Variants in ENTREP2 observed in about 807,000 individuals in gnomAD.
The protein encoded by ENTREP2 is endosomal transmembrane epsin interactor 2, also known as protein ENTREP2.
At chr15:29,356,144 A>T in the ENTREP2 span, among the ~76,000 whole-genome samples, 1 of 148,878 alleles carries the variant, frequency 6.7e-6, no homozygotes, top group Non-Finnish European at 1.5e-5. Context: ...GGATGTGAGG[A>T]TGAGAAGATT....
the ENTREP2 span, among the ~76,000 whole-genome samples, chr15:29,286,343 T>G: frequency 6.6e-6 from 1 of 152,210 alleles, no homozygotes; most frequent in African/African-American, 2.4e-5. Context: ...ATAAGGTTAA[T>G]AGACATACAT....
At chr15:29,619,156 G>C in the ENTREP2 span, among the ~76,000 whole-genome samples, 1 of 152,218 alleles carries the variant, frequency 6.6e-6, no homozygotes, top group Non-Finnish European at 1.5e-5. Context: ...ACTTTGGAAG[G>C]CCAAGACAGG....
At chr15:29,503,933 T>C in the ENTREP2 span, among the ~76,000 whole-genome samples, 1 of 152,192 alleles carries the variant, frequency 6.6e-6, no homozygotes, top group African/African-American at 2.4e-5. Flanking sequence ...GTATTCTTTC[T>C]GTTAAAAGAA....
chr15:29,324,168 A>C, the ENTREP2 span, among the ~76,000 whole-genome samples: 1 of 152,078 alleles, frequency 6.6e-6, no homozygotes, highest in African/African-American at 2.4e-5. Context: ...TGGCACGATC[A>C]TTGTTCACTG....
chr15:29,649,001 T>C, the ENTREP2 span, among the ~76,000 whole-genome samples: 3 of 149,874 alleles, frequency 2.0e-5, no homozygotes, highest in Non-Finnish European at 3.0e-5. Flanking sequence ...AGTTGAGCCA[T>C]CTCAAATAGT....
the ENTREP2 span, among the ~76,000 whole-genome samples, chr15:29,557,370 G>A: frequency 6.6e-6 from 1 of 152,208 alleles, no homozygotes; most frequent in Non-Finnish European, 1.5e-5. Context: ...GCAGATGCCA[G>A]CTGCTCCACC....
the ENTREP2 span, among the ~76,000 whole-genome samples, chr15:29,253,853 G>A: frequency 6.6e-6 from 1 of 151,874 alleles, no homozygotes. Flanking sequence ...TTTTCTTTAT[G>A]AATAAGAATA....
the ENTREP2 span, among the ~76,000 whole-genome samples, chr15:29,253,704 G>A: frequency 4.7e-3 from 710 of 152,134 alleles, 3 homozygotes; most frequent in African/African-American, 0.016. Context: ...GCCTCCCAAA[G>A]TGCTGGGATT....
At chr15:29,317,485 T>C in the ENTREP2 span, among the ~76,000 whole-genome samples, 1 of 152,182 alleles carries the variant, frequency 6.6e-6, no homozygotes, top group Non-Finnish European at 1.5e-5. Context: ...ATTAAAGAAC[T>C]AGATCTTTAT....
chr15:29,560,889 A>G, the ENTREP2 span, among the ~76,000 whole-genome samples: 3 of 150,716 alleles, frequency 2.0e-5, no homozygotes, highest in Non-Finnish European at 4.4e-5. Flanking sequence ...TCCCTAGGCC[A>G]AATCTGGCCT....
the ENTREP2 span, chr15:29,267,765 G>A: frequency 2.6e-5 from 4 of 152,076 alleles, no homozygotes; most frequent in African/African-American, 9.7e-5. Context: ...AGACCAAGGA[G>A]AATAAAAAAT....
the ENTREP2 span, among the ~76,000 whole-genome samples, chr15:29,225,967 T>A: frequency 2.0e-5 from 3 of 152,066 alleles, no homozygotes; most frequent in Non-Finnish European, 4.4e-5. Context: ...CCCGTGTCTT[T>A]CCTTGGAGCA....
At chr15:29,432,183 A>C in the ENTREP2 span, among the ~76,000 whole-genome samples, 1 of 152,202 alleles carries the variant, frequency 6.6e-6, no homozygotes, top group Admixed American at 6.5e-5. Context: ...TGCTCACTTC[A>C]GACAATGCCT....
chr15:29,238,910 A>C, the ENTREP2 span, among the ~76,000 whole-genome samples: 6 of 151,958 alleles, frequency 3.9e-5, no homozygotes, highest in Non-Finnish European at 8.8e-5. Flanking sequence ...TGATCCAATC[A>C]CCTCCCACCA....
At chr15:29,561,556 C>T in the ENTREP2 span, among the ~76,000 whole-genome samples, 2 of 152,080 alleles carry the variant, frequency 1.3e-5, no homozygotes, top group East Asian at 3.9e-4. Context: ...GGCATGGTGG[C>T]GGGTGCCTAT....
chr15:29,163,163 G>C, the ENTREP2 span, among the ~76,000 whole-genome samples: 5 of 152,190 alleles, frequency 3.3e-5, no homozygotes, highest in African/African-American at 1.2e-4. Context: ...CTGAACAACA[G>C]CCTTCAGCCC....
chr15:29,497,055 T>C, the ENTREP2 span, among the ~76,000 whole-genome samples: 2 of 152,208 alleles, frequency 1.3e-5, no homozygotes, highest in Admixed American at 1.3e-4. Flanking sequence ...GGTTCCATCC[T>C]TATCAATGCA....
the ENTREP2 span, among the ~76,000 whole-genome samples, chr15:29,150,895 G>A: frequency 2.0e-5 from 3 of 152,092 alleles, no homozygotes; most frequent in African/African-American, 7.2e-5. Context: ...GGCAAATTGA[G>A]AGACAGAGAG....
chr15:29,326,352 A>G, the ENTREP2 span, among the ~76,000 whole-genome samples: 1 of 152,198 alleles, frequency 6.6e-6, no homozygotes, highest in East Asian at 1.9e-4. Context: ...AGAAACTCTC[A>G]AACTAATAAG....
Sources: gnomAD v4.1 joint callset for allele counts (sites outside exome capture counted in the v4.1 genomes callset) on GRCh38, gnomAD v4.1.1 for gene constraint, MANE v1.5 for transcripts, NCBI Gene and HGNC (gene_info 2026-07-23, HGNC 2026-07-21) for gene names.